PALM2AKAP2: variants seen among roughly 807,000 people sequenced by gnomAD.
The protein encoded by PALM2AKAP2 is PALM2-AKAP2 fusion protein.
PALM2AKAP2 carries 37 observed loss-of-function variants against 71.5 expected under a neutral mutation model. The observed-to-expected ratio is 0.52, with a 90% CI of 0.40 to 0.68. The LOEUF (loss-of-function observed/expected upper bound fraction) is 0.68, where lower values mean the gene tolerates loss of function less well. Among genes scored for constraint, PALM2AKAP2 ranks in the 30% least tolerant of loss-of-function variants. PALM2AKAP2 has a pLI of 0.00. For synonymous variants in PALM2AKAP2, 468 were observed against 478.8 expected (o/e 0.98, Z 0.29); for missense variants, 1,224 against 1,191.8 (o/e 1.03, Z -0.40).
chr9:109,869,360 G>A lies in PALM2AKAP2; in HGVS notation c.126+1789G>A, dbSNP rs190107487. 4.9e-3 allele frequency among the ~76,000 whole-genome samples: 739 copies of A among 152,026 alleles called. 5 individuals are homozygous for A. Among genetic ancestry groups the A allele is most frequent in the Middle Eastern group, 0.01 (3 of 294 alleles). On this transcript the variant is annotated intron_variant, in intron 2 of 9. Transcript: ENST00000302798. ...GTTTGTTTGTTTGAGATGGAGTCTC[G>A]CTCTGTCGCTCAGGCTGGAGTTCAG... is the stretch of plus-strand genomic sequence containing the variant.
intron 6 of PALM2AKAP2, among the ~76,000 whole-genome samples, chr9:109,976,238 A>G (rs1832170686): frequency 1.3e-5 from 2 of 152,236 alleles, no homozygotes. Context: ...AGCACTTAAT[A>G]TATGCCAAGT....
At chr9:110,093,714 C>T (rs539060884) in intron 1 of PALM2AKAP2, among the ~76,000 whole-genome samples, 7 of 152,260 alleles carry the variant, frequency 4.6e-5, no homozygotes, top group South Asian at 4.1e-4. Flanking sequence ...CACCTTACAA[C>T]GAGCTGTTTG....
chr9:109,662,019 A>T (rs973614389), intron 1 of PALM2AKAP2, among the ~76,000 whole-genome samples: 17 of 152,264 alleles, frequency 1.1e-4, no homozygotes, highest in African/African-American at 4.1e-4. Context: ...TTGATTTTGT[A>T]TCCTGAGACT....
chr9:109,828,212 T>G (rs1536606), intron 1 of PALM2AKAP2, among the ~76,000 whole-genome samples: 3 of 151,994 alleles, frequency 2.0e-5, no homozygotes, highest in Non-Finnish European at 4.4e-5. Context: ...GGCATCTAGG[T>G]TTGTTTCTTT....
intron 6 of PALM2AKAP2, among the ~76,000 whole-genome samples, chr9:109,965,243 C>T (rs1224882046): frequency 6.6e-6 from 1 of 152,050 alleles, no homozygotes; most frequent in Non-Finnish European, 1.5e-5. Context: ...GCCTCATGCA[C>T]AAAAGAATTG....
At chr9:109,895,257 G>A (rs577186967) in intron 3 of PALM2AKAP2, among the ~76,000 whole-genome samples, 64 of 152,310 alleles carry the variant, frequency 4.2e-4, no homozygotes, top group Non-Finnish European at 7.8e-4. Flanking sequence ...TGACTTTGCG[G>A]GGGCAGCTCA....
At chr9:109,998,334 G>A (rs1832612704) in intron 6 of PALM2AKAP2, among the ~76,000 whole-genome samples, 1 of 152,080 alleles carries the variant, frequency 6.6e-6, no homozygotes, top group Non-Finnish European at 1.5e-5. Context: ...AACCCAAAAG[G>A]CCGGGCTCCA....
chr9:109,725,889 A>G (rs567692946), intron 1 of PALM2AKAP2, among the ~76,000 whole-genome samples: 29 of 152,278 alleles, frequency 1.9e-4, no homozygotes, highest in African/African-American at 7.0e-4. Context: ...CAGCTATTTT[A>G]TTTTCTCTCA....
At chr9:109,672,506 G>A (rs745885165) in intron 1 of PALM2AKAP2, among the ~76,000 whole-genome samples, 1 of 152,276 alleles carries the variant, frequency 6.6e-6, no homozygotes, top group South Asian at 2.1e-4. Flanking sequence ...TGGATTGCCA[G>A]TATCGTGTTG....
At chr9:109,846,142 C>T (rs759046427) in intron 1 of PALM2AKAP2, among the ~76,000 whole-genome samples, 1 of 152,072 alleles carries the variant, frequency 6.6e-6, no homozygotes, top group Non-Finnish European at 1.5e-5. Flanking sequence ...GAAGAAGTGG[C>T]AGCCGGGTAG....
intron 3 of PALM2AKAP2, among the ~76,000 whole-genome samples, chr9:109,919,753 G>A (rs1292187824): frequency 1.3e-5 from 2 of 149,630 alleles, no homozygotes; most frequent in African/African-American, 4.9e-5. Flanking sequence ...GTGTGTGTGT[G>A]TGTGTGTGTG....
intron 7 of PALM2AKAP2, among the ~76,000 whole-genome samples, chr9:110,023,331 T>TTTTTTTTTA (rs1833110292): frequency 9.4e-6 from 1 of 106,060 alleles, no homozygotes; most frequent in East Asian, 2.4e-4. Flanking sequence ...TTTTTTTTTT[T>TTTTTTTTTA]GAGATGGAGT....
intron 1 of PALM2AKAP2, among the ~76,000 whole-genome samples, chr9:109,785,350 A>G (rs1465087295): frequency 6.6e-6 from 1 of 152,216 alleles, no homozygotes; most frequent in Admixed American, 6.5e-5. Context: ...TGAGGTGTGT[A>G]GAGCAAATCT....
intron 3 of PALM2AKAP2, among the ~76,000 whole-genome samples, chr9:109,909,587 T>C (rs1162824497): frequency 6.6e-6 from 1 of 151,860 alleles, no homozygotes; most frequent in Admixed American, 6.6e-5. Flanking sequence ...TAAACTGGAG[T>C]TAGGGAAGGG....
At chr9:109,744,898 T>C (rs78533675) in intron 1 of PALM2AKAP2, among the ~76,000 whole-genome samples, 6,503 of 152,214 alleles carry the variant, frequency 0.043, 189 homozygotes, top group Non-Finnish European at 0.053. Context: ...CACTTCTTGC[T>C]CTCTCCTCTC....
At chr9:109,810,764 A>T (rs150277975) in intron 1 of PALM2AKAP2, among the ~76,000 whole-genome samples, 14 of 152,250 alleles carry the variant, frequency 9.2e-5, no homozygotes, top group African/African-American at 3.1e-4. Flanking sequence ...AACATTGATG[A>T]GGGAGGAGAG....
At chr9:110,124,349 C>G (rs1042077027) in intron 1 of PALM2AKAP2, among the ~76,000 whole-genome samples, 1 of 152,182 alleles carries the variant, frequency 6.6e-6, no homozygotes, top group Non-Finnish European at 1.5e-5. Flanking sequence ...CCATGTGTAG[C>G]GTTTGTCATC....
At chr9:109,929,449 T>C (rs1468831648) in intron 5 of PALM2AKAP2, among the ~76,000 whole-genome samples, 1 of 152,128 alleles carries the variant, frequency 6.6e-6, no homozygotes, top group African/African-American at 2.4e-5. Flanking sequence ...CACCTGCCCC[T>C]ACCCCCTCAG....
intron 1 of PALM2AKAP2, chr9:109,866,893 C>T: frequency 2.6e-6 from 1 of 387,400 alleles, no homozygotes; most frequent in Non-Finnish European, 5.1e-6. Flanking sequence ...CTCAGCTGCC[C>T]CACCCACATG....
Sources: gnomAD v4.1 joint callset for allele counts (sites outside exome capture counted in the v4.1 genomes callset) on GRCh38, gnomAD v4.1.1 for gene constraint, MANE v1.5 for transcripts, NCBI Gene and HGNC (gene_info 2026-07-23, HGNC 2026-07-21) for gene names.